The following GRM8 variants were observed in gnomAD, a reference collection of about 807,000 sequenced individuals.
GRM8 encodes glutamate metabotropic receptor 8.
GRM8 carries 47 observed loss-of-function variants against 87.2 expected under a neutral mutation model. The ratio of observed to expected loss-of-function variants is 0.54; its 90% CI spans 0.43 to 0.69. The LOEUF is 0.69. Ranked by LOEUF, GRM8 falls within the 30% of genes least tolerant of loss-of-function variation. The pLI is 0.00. For missense variants in GRM8, 1,019 were observed against 1,139.2 expected, an observed-to-expected ratio of 0.89 and a Z score of 1.52; for synonymous variants, 396 against 404.5, an observed-to-expected ratio of 0.98 and a Z score of 0.25.
At chr7:126,667,617 A>G (rs1473725309) in intron 7 of GRM8, among the ~76,000 whole-genome samples, 3 of 152,216 alleles carry the variant, frequency 2.0e-5, no homozygotes, top group African/African-American at 7.2e-5. Flanking sequence ...GCTGAGGAGA[A>G]GGTGGAAGGG....
At chr7:127,051,224 T>A (rs1032038783) in intron 3 of GRM8, among the ~76,000 whole-genome samples, 2 of 152,162 alleles carry the variant, frequency 1.3e-5, no homozygotes, top group Non-Finnish European at 2.9e-5. Flanking sequence ...GTGTACAGAA[T>A]CAGAAATTCA....
intron 9 of GRM8, among the ~76,000 whole-genome samples, chr7:126,477,918 C>A (rs1369556868): frequency 6.6e-6 from 1 of 152,080 alleles, no homozygotes; most frequent in Non-Finnish European, 1.5e-5. Flanking sequence ...GTTGGCCATG[C>A]AGTTCTCTTT....
At chr7:126,549,780 A>G (rs1025709718) in intron 8 of GRM8, among the ~76,000 whole-genome samples, 2 of 152,196 alleles carry the variant, frequency 1.3e-5, no homozygotes, top group African/African-American at 4.8e-5. Flanking sequence ...TATGTAATGC[A>G]ATAAACTACA....
intron 3 of GRM8, among the ~76,000 whole-genome samples, chr7:126,952,791 G>C (rs1586578446): frequency 6.6e-6 from 1 of 151,970 alleles, no homozygotes; most frequent in South Asian, 2.1e-4. Context: ...AAAAATATAA[G>C]GTCTTAAAAG....
intron 7 of GRM8, among the ~76,000 whole-genome samples, chr7:126,672,830 G>A (rs1400509601): frequency 6.6e-6 from 1 of 152,134 alleles, no homozygotes; most frequent in African/African-American, 2.4e-5. Flanking sequence ...AAACACTCCT[G>A]TAACCAGAGC....
At chr7:126,947,324 A>T (rs1807648937) in intron 3 of GRM8, among the ~76,000 whole-genome samples, 1 of 152,194 alleles carries the variant, frequency 6.6e-6, no homozygotes, top group South Asian at 2.1e-4. Flanking sequence ...CTTGGAGAGT[A>T]ACATTAATAC....
chr7:126,565,764 C>T (rs1181980895), intron 8 of GRM8, among the ~76,000 whole-genome samples: 1 of 152,104 alleles, frequency 6.6e-6, no homozygotes, highest in Non-Finnish European at 1.5e-5. Flanking sequence ...CAGGAGGCAT[C>T]TCCCTTCCTG....
chr7:126,512,767 A>G (rs1811582576), intron 9 of GRM8: 1 of 152,116 alleles, frequency 6.6e-6, no homozygotes, highest in African/African-American at 2.4e-5. Flanking sequence ...TGCTGAGATG[A>G]ATGACTTGGA....
chr7:126,826,626 A>G (rs1464301749), intron 6 of GRM8, among the ~76,000 whole-genome samples: 2 of 152,166 alleles, frequency 1.3e-5, no homozygotes, highest in Non-Finnish European at 2.9e-5. Flanking sequence ...GCCCTTTGTC[A>G]GATGAGTAGG....
At chr7:126,608,838 A>G (rs986230335) in intron 8 of GRM8, among the ~76,000 whole-genome samples, 1 of 143,668 alleles carries the variant, frequency 7.0e-6, no homozygotes, top group Admixed American at 7.5e-5. Flanking sequence ...ACCTCGGCTC[A>G]CTGCAAGCTC....
At chr7:127,148,899 A>T (rs1342854038) in intron 2 of GRM8, among the ~76,000 whole-genome samples, 1 of 152,058 alleles carries the variant, frequency 6.6e-6, no homozygotes, top group East Asian at 1.9e-4. Flanking sequence ...AAAAGAATGA[A>T]ATCAGACCTT....
intron 9 of GRM8, among the ~76,000 whole-genome samples, chr7:126,524,539 T>G (rs1813533127): frequency 6.6e-6 from 1 of 152,232 alleles, no homozygotes; most frequent in Non-Finnish European, 1.5e-5. Flanking sequence ...TTTAAGAATT[T>G]TCTTTCTTCA....
chr7:127,091,363 C>A (rs908426852), intron 3 of GRM8, among the ~76,000 whole-genome samples: 9 of 149,674 alleles, frequency 6.0e-5, no homozygotes, highest in Non-Finnish European at 8.9e-5. Flanking sequence ...TCAACCATCC[C>A]ACTGATCATC....
chr7:127,199,292 G>A (rs753822711), intron 2 of GRM8, among the ~76,000 whole-genome samples: 2 of 152,192 alleles, frequency 1.3e-5, no homozygotes, highest in East Asian at 1.9e-4. Context: ...GTTTAAAGAC[G>A]ATTGCTAATG....
rs947628238 is a variant in GRM8, at chr7:127,099,269, A to G, written c.727+7227T>C. 2.0e-5 allele frequency among the ~76,000 whole-genome samples: 3 copies of G among 152,242 alleles called. No individual in the cohort carries two copies. The East Asian group carries it at 5.8e-4, about 29-fold the overall frequency. ...TGGATCTAATAGCTGAGTGTTGTGT[A>G]ACACGTAGGTCTTAACCAGCAGCAA... On this transcript the variant is annotated intron_variant, in intron 3 of 10. Transcript: ENST00000339582.
chr7:127,140,285 G>A (rs780619662), intron 2 of GRM8, among the ~76,000 whole-genome samples: 70 of 152,154 alleles, frequency 4.6e-4, no homozygotes, highest in Non-Finnish European at 8.4e-4. Context: ...TCATTAGACA[G>A]TAGCAAACCC....
intron 6 of GRM8, among the ~76,000 whole-genome samples, chr7:126,824,040 T>C (rs929706853): frequency 6.6e-6 from 1 of 152,186 alleles, no homozygotes; most frequent in Admixed American, 6.5e-5. Context: ...AATAACACTT[T>C]TGTTTAGATT....
At chr7:126,734,696 A>G (rs953443100) in intron 7 of GRM8, among the ~76,000 whole-genome samples, 7 of 151,990 alleles carry the variant, frequency 4.6e-5, no homozygotes, top group African/African-American at 1.4e-4. Flanking sequence ...AAGCTACAAG[A>G]AAATACGTAT....
At chr7:126,725,862 C>T (rs751942532) in intron 7 of GRM8, among the ~76,000 whole-genome samples, 4 of 152,104 alleles carry the variant, frequency 2.6e-5, no homozygotes, top group Non-Finnish European at 4.4e-5. Context: ...GTGCCACACA[C>T]TTTTACACAA....
Sources: gnomAD v4.1 joint callset for allele counts (sites outside exome capture counted in the v4.1 genomes callset) on GRCh38, gnomAD v4.1.1 for gene constraint, MANE v1.5 for transcripts, NCBI Gene and HGNC (gene_info 2026-07-23, HGNC 2026-07-21) for gene names.